The following PYROXD2 variants were observed in gnomAD, a reference collection of about 807,000 sequenced individuals.
PYROXD2 encodes pyridine nucleotide-disulphide oxidoreductase domain 2, also known as pyridine nucleotide-disulfide oxidoreductase domain-containing protein 2.
A neutral mutation model predicts 71.1 loss-of-function variants in PYROXD2; 69 were observed. The ratio of observed to expected loss-of-function variants is 0.97; its 90% CI spans 0.80 to 1.19. PYROXD2 has a LOEUF of 1.19. Among genes scored for constraint, PYROXD2 ranks in the 50% most tolerant of loss-of-function variants. The probability of loss-of-function intolerance (pLI) is 0.00; values close to 1 mark genes in which losing one functional copy is unlikely to be tolerated. For missense variants in PYROXD2, 745 were observed against 748.9 expected (o/e 0.99, Z 0.06); for synonymous variants, 287 against 302.7 (o/e 0.95, Z 0.54).
At position 98,393,469 on chromosome 10, in the gene PYROXD2, C is replaced by T. The variant is rs188464483; in HGVS notation, c.786-386G>A. ...TGCTTCCCCTTCAATCTTTCCCATCCCAGTGAACGGCACCTTTCAACAGGA... is the reference window on the plus strand; with the variant it reads ...TGCTTCCCCTTCAATCTTTCCCATCTCAGTGAACGGCACCTTTCAACAGGA... On this transcript the variant is annotated intron_variant, in intron 8 of 15. Coordinates refer to ENST00000370575, the MANE Select transcript of PYROXD2 (RefSeq NM_032709.3). 1.1e-4 allele frequency among the ~76,000 whole-genome samples: 16 copies of T among 152,278 alleles called. No homozygotes were observed. The East Asian group carries it at 1.7e-3, about 17-fold the overall frequency.
chr10:98,407,560 C>T lies in PYROXD2; in HGVS notation c.315+22G>A, dbSNP rs144722706. 2,213 of 1,612,432 alleles carry T rather than the reference C, an allele frequency of 1.4e-3. 8 individuals carry two copies. Among genetic ancestry groups the T allele is most frequent in the African/African-American group, 3.0e-3 (223 of 75,042 alleles). ...GAACTGCCTCCTCCCTCCGTGCAATCGGGCCGGCGGGGGGGCCCTACCTTC... is the reference window on the plus strand; with the variant it reads ...GAACTGCCTCCTCCCTCCGTGCAATTGGGCCGGCGGGGGGGCCCTACCTTC... On this transcript the variant is annotated intron_variant, in intron 4 of 15. Transcript: ENST00000370575.
In PYROXD2 at chr10:98,395,185, C is replaced by T. The variant is rs947911919; in HGVS notation, c.785+11G>A. ...CCCACTCCTGTGTCCCACCTCACCC[C>T]CCTCACTCACCCACTCCCCGGAGTG... is the stretch of plus-strand genomic sequence containing the variant. On this transcript the variant is annotated intron_variant, in intron 8 of 15. Coordinates refer to ENST00000370575, the MANE Select transcript of PYROXD2 (RefSeq NM_032709.3). 11 of 1,610,928 alleles carry T rather than the reference C, an allele frequency of 6.8e-6. No individual in the cohort carries two copies. Among genetic ancestry groups the T allele is most frequent in the Admixed American group, 5.0e-5 (3 of 60,006 alleles).
chr10:98,404,814 C>T (rs4474372), intron 4 of PYROXD2, among the ~76,000 whole-genome samples: 52,825 of 151,958 alleles, frequency 0.35, 9,908 homozygotes, highest in South Asian at 0.49. Flanking sequence ...TTCTGGGCCC[C>T]ACCACTGCCA....
At chr10:98,394,582 C>A (rs1843087133) in intron 8 of PYROXD2, among the ~76,000 whole-genome samples, 1 of 132,870 alleles carries the variant, frequency 7.5e-6, no homozygotes, top group Non-Finnish European at 1.6e-5. Context: ...ACACACACAG[C>A]CTTCCATTCC....
rs1329339589 is a variant in PYROXD2, at chr10:98,395,447, T to C, written c.631A>G (p.Ile211Val). Residue 211 changes from isoleucine to valine, a missense_variant, in exon 7 of 16, where the codon ATC becomes GTC. Ile to Val is a conservative substitution (Grantham distance 29). Transcript: ENST00000370575. ...TATCGGGGAAGCTGGGCTCCCAGGA[T>C]GCGGCCTACAAGAGAAGATCCACAA... ...TLKPLLKAGR[I>V]LGAQLPRYYE... The C allele has an allele frequency of 6.2e-7, 1 of 1,613,904 alleles. No homozygotes were observed. Among genetic ancestry groups the C allele is most frequent in the Non-Finnish European group, 8.5e-7 (1 of 1,179,900 alleles).
At chr10:98,410,758 C>T in intron 2 of PYROXD2, 181 bp downstream of exon 2, 3 of 837,978 alleles carry the variant, frequency 3.6e-6, no homozygotes, top group Non-Finnish European at 5.5e-6. Context: ...CCACAGCTGG[C>T]TGCAGATGAG....
At chr10:98,391,822 C>T (rs1032776577) in intron 10 of PYROXD2, among the ~76,000 whole-genome samples, 10 of 152,152 alleles carry the variant, frequency 6.6e-5, no homozygotes, top group African/African-American at 2.2e-4. Flanking sequence ...GGAGCATAGC[C>T]GAGTCCCCCA....
chr10:98,413,134 A>G (rs1420208815), intron 1 of PYROXD2, among the ~76,000 whole-genome samples: 1 of 152,216 alleles, frequency 6.6e-6, no homozygotes, highest in Non-Finnish European at 1.5e-5. Context: ...ACACTATACA[A>G]TGATGTGCTA....
chr10:98,405,376 G>C (rs1279681803), intron 4 of PYROXD2, among the ~76,000 whole-genome samples: 4 of 152,188 alleles, frequency 2.6e-5, no homozygotes, highest in Non-Finnish European at 5.9e-5. Flanking sequence ...TTAGTTGAGG[G>C]CTCACTCTAA....
chr10:98,402,084 G>T (rs1843432205), intron 4 of PYROXD2, among the ~76,000 whole-genome samples: 1 of 152,156 alleles, frequency 6.6e-6, no homozygotes, highest in African/African-American at 2.4e-5. Context: ...ATAATATGTT[G>T]CAGTGCAACT....
chr10:98,397,253 T>C, intron 6 of PYROXD2, 92 bp downstream of exon 6: 1 of 1,453,238 alleles, frequency 6.9e-7, no homozygotes, highest in Non-Finnish European at 9.1e-7. Flanking sequence ...CAGGCTGCCA[T>C]GGAGGTTCAG....
chr10:98,404,788 C>T (rs1008111483), intron 4 of PYROXD2, among the ~76,000 whole-genome samples: 3 of 152,064 alleles, frequency 2.0e-5, no homozygotes, highest in Non-Finnish European at 4.4e-5. Flanking sequence ...CCTGAGAATG[C>T]CATAAAAACG....
Position 98,385,087 on chromosome 10 carries a change from GTCA to G in PYROXD2, c.1555-23_1555-21del. 6.2e-7 allele frequency: 1 copy of G among 1,613,238 alleles called. No homozygotes were observed. Among genetic ancestry groups the G allele is most frequent in the South Asian group, 1.1e-5 (1 of 90,950 alleles). ...TATGTTCTGCAGAGGCAGGGCCACAGTCATCAGCACAGGAGAGTTACAGCCTTT... is the reference window on the plus strand; with the variant it reads ...TATGTTCTGCAGAGGCAGGGCCACAGTCAGCACAGGAGAGTTACAGCCTTT... On this transcript the variant is annotated intron_variant, in intron 14 of 15. Transcript: ENST00000370575.
At chr10:98,397,241 G>T in intron 6 of PYROXD2, 104 bp downstream of exon 6, 1 of 1,424,198 alleles carries the variant, frequency 7.0e-7, no homozygotes. Flanking sequence ...GATCCCAGCT[G>T]GCAGGCTGCC....
At chr10:98,410,022 G>T (rs1345635376) in intron 2 of PYROXD2, among the ~76,000 whole-genome samples, 1 of 152,044 alleles carries the variant, frequency 6.6e-6, no homozygotes, top group African/African-American at 2.4e-5. Flanking sequence ...AGGTTGCAGC[G>T]AGCCGAGATC....
intron 4 of PYROXD2, among the ~76,000 whole-genome samples, chr10:98,406,887 G>A (rs1317674135): frequency 1.8e-5 from 2 of 110,180 alleles, no homozygotes. Flanking sequence ...GCCAGACTCC[G>A]TCCCAAAAAA....
In PYROXD2 at chr10:98,395,300, A is replaced by G; in HGVS notation, c.688-7T>C. 1 of 1,614,224 alleles carries G rather than the reference A, an allele frequency of 6.2e-7. No homozygotes were observed. Among genetic ancestry groups the G allele is most frequent in the Non-Finnish European group, 8.5e-7 (1 of 1,180,014 alleles). ...CGAACCACTGATCCAGCACCTGGAC[A>G]GCACAACAGCAGAGAGAAGGGCTTA... On this transcript the variant is annotated splice_region_variant and splice_polypyrimidine_tract_variant and intron_variant, in intron 7 of 15. Coordinates refer to ENST00000370575, the MANE Select transcript of PYROXD2 (RefSeq NM_032709.3).
Position 98,388,384 on chromosome 10 carries a change from C to CG in PYROXD2, c.1416dup (p.Glu473ArgfsTer13), listed in dbSNP as rs1842829124. The CG allele has an allele frequency of 6.2e-7, 1 of 1,613,756 alleles. No individual in the cohort carries two copies. Among genetic ancestry groups the CG allele is most frequent in the African/African-American group, 1.3e-5 (1 of 74,912 alleles). ...TCTGCATAAGCGTCTCTCTCCTGCTCGTCCCAGGCCTTGCCTCCAGCCAGC... is the reference window on the plus strand; with the variant it reads ...TCTGCATAAGCGTCTCTCTCCTGCTCGGTCCCAGGCCTTGCCTCCAGCCAGC... On this transcript the variant is annotated frameshift_variant, in exon 13 of 16. Transcript: ENST00000370575. LOFTEE classifies it high-confidence loss of function.
rs1027118627 is a variant in PYROXD2 at position 98,385,208 on chromosome 10, G to A, written c.1555-141C>T. On this transcript the variant is annotated intron_variant, in intron 14 of 15. Coordinates refer to ENST00000370575, the MANE Select transcript of PYROXD2 (RefSeq NM_032709.3). ...TTCTTGGGTTTTAAAATGCAGAAAG[G>A]GAAGGAGATGAGACGGAATGGGCAC... is the stretch of plus-strand genomic sequence containing the variant. 8.1e-6 allele frequency: 10 copies of A among 1,234,226 alleles called. No individual in the cohort carries two copies. The South Asian group carries it at 1.1e-4, about 14-fold the overall frequency. The allele number at this position is 1,234,226 out of a possible 1,614,324, so 76.5% of individuals were successfully genotyped here. A position where few individuals can be genotyped will look rare whatever the true frequency, so the allele number is the denominator to read the frequency against.
Sources: allele counts gnomAD v4.1 joint callset (sites outside exome capture counted in the v4.1 genomes callset), GRCh38; gene constraint gnomAD v4.1.1; transcripts MANE v1.5; gene names NCBI Gene and HGNC (gene_info 2026-07-23, HGNC 2026-07-21).